Variants in DEAF1 observed in about 807,000 individuals in gnomAD.
DEAF1 encodes DEAF1 transcription factor.
A neutral mutation model predicts 58.9 loss-of-function variants in DEAF1; 53 were observed. The ratio of observed to expected loss-of-function variants is 0.90; its 90% CI spans 0.72 to 1.13. The LOEUF (loss-of-function observed/expected upper bound fraction) is 1.13, where lower values mean the gene tolerates loss of function less well. Ranked by LOEUF, DEAF1 falls within the 50% of genes most tolerant of loss-of-function variation. The probability of loss-of-function intolerance (pLI) is 0.00; values close to 1 mark genes in which losing one functional copy is unlikely to be tolerated. For missense variants in DEAF1, 685 were observed against 791.4 expected, an observed-to-expected ratio of 0.87 and a Z score of 1.61; for synonymous variants, 385 against 340.4, an observed-to-expected ratio of 1.13 and a Z score of -1.44.
intron 5 of DEAF1, among the ~76,000 whole-genome samples, chr11:686,619 T>C (rs1860603401): frequency 6.6e-6 from 1 of 152,214 alleles, no homozygotes; most frequent in Non-Finnish European, 1.5e-5. Flanking sequence ...CGCTGTGACC[T>C]CATGCACTTC....
chr11:679,788 C>G lies in DEAF1; in HGVS notation c.1026G>C (p.Thr342=). The G allele has an allele frequency of 6.2e-7, 1 of 1,613,850 alleles. No homozygotes were observed. The highest frequency in any genetic ancestry group is 8.5e-7 in the Non-Finnish European group (1 of 1,180,040). Residue 342 remains threonine (T), a synonymous_variant, in exon 8 of 12, where the codon ACG becomes ACC. Transcript: ENST00000382409. ...GGTCAAAGGTCAGTGCCCCCGAGGT[C>G]GTGATCTGTCCCGAGGGGGTCACGG... is the stretch of plus-strand genomic sequence containing the variant. ...TFTVTPSGQI[T]TSGALTFDRA...
At chr11:665,665 G>A (rs1228169697) in intron 10 of DEAF1, among the ~76,000 whole-genome samples, 1 of 152,172 alleles carries the variant, frequency 6.6e-6, no homozygotes, top group Non-Finnish European at 1.5e-5. Flanking sequence ...CCCAGCTGAC[G>A]CAGCAGCATC....
rs367967658 is a variant in DEAF1, at chr11:688,074, G to C, written c.518-17C>G. ...ACTGAGGACCTTGGGCAGAGAAAGT[G>C]TTTGAAGGTGAGAGGCCGGACACCG... is the stretch of plus-strand genomic sequence containing the variant. On this transcript the variant is annotated splice_polypyrimidine_tract_variant and intron_variant, in intron 3 of 11. Coordinates refer to ENST00000382409, the MANE Select transcript of DEAF1 (RefSeq NM_021008.4). This position sits in a 1 kb window ranked among gnomAD's most constrained non-coding sequence, Gnocchi z 4.3. 6.2e-7 allele frequency: 1 copy of C among 1,613,752 alleles called. No individual in the cohort carries two copies. The highest frequency in any genetic ancestry group is 8.5e-7 in the Non-Finnish European group (1 of 1,179,902).
chr11:654,099 CCCCTGAGACACCGGGGACAGAGGCAGGTG>C (rs752139793), intron 10 of DEAF1, 48 bp from the exon 11 acceptor site: 2 of 1,541,008 alleles, frequency 1.3e-6, no homozygotes, highest in South Asian at 2.2e-5. Context: ...CCGTGGAGAG[CCCCTGAGACACCGGGGACAGAGGCAGGTG>C]CAGGCAGGAG....
Position 688,123 on chromosome 11 carries a change from C to T in DEAF1, c.518-66G>A. On this transcript the variant is annotated intron_variant, in intron 3 of 11. Coordinates refer to ENST00000382409, the MANE Select transcript of DEAF1 (RefSeq NM_021008.4). This position sits in a 1 kb window ranked among gnomAD's most constrained non-coding sequence, Gnocchi z 4.3. The stretch of plus-strand genomic sequence containing the variant: ...CGGGAAGCATAGTACACTCTCATCT[C>T]AGACACCACCTCCCCGGCAGCGCCA... 2 of 1,603,924 alleles carry T rather than the reference C, an allele frequency of 1.2e-6. No homozygotes were observed. The highest frequency in any genetic ancestry group is 1.7e-6 in the Non-Finnish European group (2 of 1,172,976).
Position 687,950 on chromosome 11 carries a change from T to TC in DEAF1, c.624dup (p.Asn209GlufsTer33). Reference sequence around the variant, plus strand: ...TTCTTGTACAGAGTGCCGCTGATGTTCCGGCACCGTACGGGCAGCTCACTG... The same window carrying TC: ...TTCTTGTACAGAGTGCCGCTGATGTTCCCGGCACCGTACGGGCAGCTCACTG... On this transcript the variant is annotated frameshift_variant, in exon 4 of 12. Transcript: ENST00000382409. LOFTEE classifies it high-confidence loss of function. 6.2e-7 allele frequency: 1 copy of TC among 1,614,116 alleles called. No individual in the cohort carries two copies. The highest frequency in any genetic ancestry group is 1.1e-5 in the South Asian group (1 of 91,082).
chr11:700,624 T>TA, intron 1 of DEAF1: 1 of 1,614,050 alleles, frequency 6.2e-7, no homozygotes, highest in South Asian at 1.1e-5. Context: ...GGTCAGGTGT[T>TA]CAGCTATCCT....
intron 5 of DEAF1, 65 bp downstream of exon 5, chr11:686,793 G>A: frequency 1.2e-6 from 2 of 1,607,970 alleles, no homozygotes. Context: ...CCCTCTGGCT[G>A]GGCCGCCTCA....
chr11:697,433 C>T (rs533393392), upstream of DEAF1: 11 of 152,312 alleles, frequency 7.2e-5, no homozygotes, highest in Admixed American at 3.3e-4. Context: ...GCCAAGGCTA[C>T]GTTCGGTCAG....
chr11:689,188 C>CT (rs869062250), intron 2 of DEAF1, among the ~76,000 whole-genome samples: 10 of 144,342 alleles, frequency 6.9e-5, no homozygotes, highest in Non-Finnish European at 1.5e-4. Context: ...ACAACTGTTT[C>CT]TTTTTTTCTT....
chr11:691,362 G>C (rs760902375), intron 2 of DEAF1, 139 bp downstream of exon 2: 5 of 782,924 alleles, frequency 6.4e-6, no homozygotes, highest in Non-Finnish European at 1.1e-5. Context: ...TCTGAGAGCA[G>C]AGCGAGCCAG....
At chr11:705,920 T>TGCGCCCCGCCTGTCCCCA (rs1292923254) in intron 1 of DEAF1, among the ~76,000 whole-genome samples, 4 of 152,162 alleles carry the variant, frequency 2.6e-5, no homozygotes, top group Non-Finnish European at 5.9e-5. Context: ...GAGGCGGCCC[T>TGCGCCCCGCCTGTCCCCA]GCGCCCCGCC....
At chr11:648,319 C>T (rs1177456035) in intron 11 of DEAF1, among the ~76,000 whole-genome samples, 2 of 151,894 alleles carry the variant, frequency 1.3e-5, no homozygotes, top group African/African-American at 2.4e-5. Flanking sequence ...CTCAGCCTCC[C>T]GAGTACCTGG....
At chr11:654,511 GTTC>G (rs1345332562) in intron 10 of DEAF1, 8 of 454,788 alleles carry the variant, frequency 1.8e-5, no homozygotes, top group Non-Finnish European at 3.5e-5. Flanking sequence ...TGCTCAGAAC[GTTC>G]TTGTCACCTC....
chr11:685,942 G>A (rs559666854), intron 5 of DEAF1, among the ~76,000 whole-genome samples: 1 of 150,128 alleles, frequency 6.7e-6, no homozygotes, highest in South Asian at 2.1e-4. Flanking sequence ...TCGGGAGTTC[G>A]AGACTAGCCT....
At chr11:703,759 C>T (rs1433896853) in intron 1 of DEAF1, 25 of 1,232,854 alleles carry the variant, frequency 2.0e-5, no homozygotes, top group Non-Finnish European at 2.5e-5. Context: ...AACAGCTCTG[C>T]TGCCTAGCAA....
chr11:659,479 G>A (rs72844744), intron 10 of DEAF1, among the ~76,000 whole-genome samples: 13,532 of 152,216 alleles, frequency 0.089, 817 homozygotes, highest in South Asian at 0.18. Flanking sequence ...CTGGTGGATC[G>A]TGTATCTTAC....
At position 681,033 on chromosome 11, in the gene DEAF1, C is replaced by A; in HGVS notation, c.927G>T (p.Leu309=). 1 of 1,614,086 alleles carries A rather than the reference C, an allele frequency of 6.2e-7. No homozygotes were observed. ...PYKRRKKENE[L]PTTPVKKDSP... The stretch of plus-strand genomic sequence containing the variant: ...AGTCCTTCTTCACGGGAGTTGTGGG[C>A]AGTTCATTCTCCTTCTTGCGCCTTT... The change falls in exon 7 of 12, where the codon CTG becomes CTT. Residue 309 remains leucine (L), a synonymous_variant. Coordinates refer to ENST00000382409, the MANE Select transcript of DEAF1 (RefSeq NM_021008.4).
intron 6 of DEAF1, 86 bp from the exon 7 acceptor site, chr11:681,175 C>T (rs1427700103): frequency 1.5e-5 from 24 of 1,586,016 alleles, no homozygotes; most frequent in Admixed American, 6.7e-5. Context: ...GGGGGCACCG[C>T]GGGGTGTGTG....
Sources: allele counts gnomAD v4.1 joint callset (sites outside exome capture counted in the v4.1 genomes callset), GRCh38; gene constraint gnomAD v4.1.1; non-coding constraint Gnocchi (gnomAD v3.1); transcripts MANE v1.5; gene names NCBI Gene and HGNC (gene_info 2026-07-23, HGNC 2026-07-21).